The following C1orf21 variants were observed in gnomAD, a reference collection of about 807,000 sequenced individuals.
C1orf21 encodes chromosome 1 open reading frame 21.
In C1orf21, 3 loss-of-function variants were observed where a neutral mutation model predicts 18.7. That is an observed-to-expected ratio of 0.16 (90% CI 0.07 to 0.42). The LOEUF (loss-of-function observed/expected upper bound fraction) is 0.42, where lower values mean the gene tolerates loss of function less well. Ranked by LOEUF, C1orf21 falls within the 10% of genes least tolerant of loss-of-function variation. The pLI is 0.99. For synonymous variants in C1orf21, 41 were observed against 46.4 expected, an observed-to-expected ratio of 0.88 and a Z score of 0.47; for missense variants, 104 against 143.6, an observed-to-expected ratio of 0.72 and a Z score of 1.41.
intron 5 of C1orf21, among the ~76,000 whole-genome samples, chr1:184,617,190 G>A (rs926664145): frequency 5.0e-4 from 76 of 152,218 alleles, no homozygotes; most frequent in Admixed American, 4.6e-3. Flanking sequence ...ATGGGATGGA[G>A]ACCGTGATTA....
intron 1 of C1orf21, among the ~76,000 whole-genome samples, chr1:184,455,470 T>G (rs1176795152): frequency 6.6e-6 from 1 of 152,176 alleles, no homozygotes; most frequent in Non-Finnish European, 1.5e-5. Flanking sequence ...GGTTACACTT[T>G]GAGAAACAAA....
intron 3 of C1orf21, among the ~76,000 whole-genome samples, chr1:184,574,091 G>A (rs1659151757): frequency 6.6e-6 from 1 of 152,096 alleles, no homozygotes; most frequent in Non-Finnish European, 1.5e-5. Flanking sequence ...TGTAATCCCA[G>A]CTACTCGGGA....
At position 184,598,404 on chromosome 1, in the gene C1orf21, G is replaced by A; in HGVS notation, c.270G>A (p.Met90Ile). Reference sequence around the variant, plus strand: ...TTAACTACCCTTTGTTTTTCAGCATGCACATCTCTGAAAGCCAACAAGAAT... The same window carrying A: ...TTAACTACCCTTTGTTTTTCAGCATACACATCTCTGAAAGCCAACAAGAAT... Reference protein sequence around the residue: ...PGLVHQPRANMHISESQQEFF... With the variant: ...PGLVHQPRANIHISESQQEFF... The change falls in exon 5 of 6, where the codon ATG becomes ATA. Residue 90 changes from methionine (M) to isoleucine (I), a missense_variant. Coordinates refer to ENST00000235307, the MANE Select transcript of C1orf21 (RefSeq NM_030806.4). The A allele has an allele frequency of 6.2e-7, 1 of 1,613,556 alleles. No individual in the cohort carries two copies. The highest frequency in any genetic ancestry group is 8.5e-7 in the Non-Finnish European group (1 of 1,179,874).
intron 3 of C1orf21, among the ~76,000 whole-genome samples, chr1:184,539,373 T>C (rs1421902369): frequency 2.0e-5 from 3 of 152,232 alleles, no homozygotes; most frequent in East Asian, 3.9e-4. Flanking sequence ...ATCTTTTTAC[T>C]ATGCTGAATT....
chr1:184,390,837 A>C (rs928182336), intron 1 of C1orf21, among the ~76,000 whole-genome samples: 4 of 152,188 alleles, frequency 2.6e-5, no homozygotes, highest in Non-Finnish European at 5.9e-5. Flanking sequence ...AGTAAATAAA[A>C]ATTATGCTTA....
intron 2 of C1orf21, among the ~76,000 whole-genome samples, chr1:184,480,423 A>G (rs1657636401): frequency 6.6e-6 from 1 of 152,216 alleles, no homozygotes. Context: ...TTGTCAGAGC[A>G]AGATTTGGTG....
intron 1 of C1orf21, among the ~76,000 whole-genome samples, chr1:184,443,060 G>A (rs1002005248): frequency 1.3e-5 from 2 of 152,194 alleles, no homozygotes; most frequent in Non-Finnish European, 2.9e-5. Flanking sequence ...AGTTTTGAAC[G>A]TGAAGAAAAG....
intron 1 of C1orf21, among the ~76,000 whole-genome samples, chr1:184,390,934 C>T (rs1013960523): frequency 6.6e-6 from 1 of 152,088 alleles, no homozygotes; most frequent in African/African-American, 2.4e-5. Context: ...AGGGATAGGG[C>T]TTGTGTACAA....
At chr1:184,420,483 A>AG (rs1656529472) in intron 1 of C1orf21, among the ~76,000 whole-genome samples, 1 of 152,224 alleles carries the variant, frequency 6.6e-6, no homozygotes. Context: ...TGGTGCTAAA[A>AG]GTTAGGCCTG....
At chr1:184,584,036 G>T (rs935962252) in intron 3 of C1orf21, among the ~76,000 whole-genome samples, 1 of 151,698 alleles carries the variant, frequency 6.6e-6, no homozygotes, top group African/African-American at 2.4e-5. Context: ...TGCTTTATCC[G>T]AGCTGCTGCT....
intron 3 of C1orf21, among the ~76,000 whole-genome samples, chr1:184,588,718 AC>A (rs1244422273): frequency 3.3e-5 from 5 of 152,378 alleles, no homozygotes; most frequent in African/African-American, 1.2e-4. Context: ...TGCCTGACTT[AC>A]AGTAAGTGCT....
At chr1:184,504,615 C>T (rs1350989826) in intron 2 of C1orf21, among the ~76,000 whole-genome samples, 1 of 152,178 alleles carries the variant, frequency 6.6e-6, no homozygotes, top group African/African-American at 2.4e-5. Flanking sequence ...AGATGGATAT[C>T]TTCCTTCCCG....
chr1:184,397,597 A>C (rs1656081280), intron 1 of C1orf21, among the ~76,000 whole-genome samples: 1 of 151,926 alleles, frequency 6.6e-6, no homozygotes, highest in East Asian at 1.9e-4. Context: ...AAAAGAAAAA[A>C]AAACAACTGT....
intron 3 of C1orf21, among the ~76,000 whole-genome samples, chr1:184,529,967 C>G (rs1040317910): frequency 2.0e-5 from 3 of 152,098 alleles, no homozygotes; most frequent in African/African-American, 7.2e-5. Context: ...AATCTTAACA[C>G]CTTTGCACTC....
Position 184,477,300 on chromosome 1 carries a change from A to G in C1orf21, c.-124-86A>G, listed in dbSNP as rs1657585047. On this transcript the variant is annotated intron_variant, in intron 1 of 5. Transcript: ENST00000235307. ...TGGGTCTGTGCATGACTTCTAGTAT[A>G]CTGCAGGGCACAGCACACCAACATA... 5 of 532,278 alleles carry G rather than the reference A, an allele frequency of 9.4e-6. No individual in the cohort carries two copies. In the South Asian group the frequency reaches 1.1e-4, roughly 12 times the overall value. 33.0% of individuals were successfully genotyped at this position (532,278 alleles called of 1,614,324 possible).
chr1:184,491,145 T>A (rs1442615732), intron 2 of C1orf21, among the ~76,000 whole-genome samples: 2 of 152,178 alleles, frequency 1.3e-5, no homozygotes, highest in African/African-American at 4.8e-5. Context: ...AAGTGCTGTA[T>A]AAATAATCAG....
chr1:184,524,853 T>A (rs1361878156), intron 3 of C1orf21, among the ~76,000 whole-genome samples: 1 of 152,128 alleles, frequency 6.6e-6, no homozygotes, highest in Non-Finnish European at 1.5e-5. Context: ...TGTAGTCTAG[T>A]AAATGATGAG....
At chr1:184,425,343 G>A (rs539189097) in intron 1 of C1orf21, among the ~76,000 whole-genome samples, 44 of 151,436 alleles carry the variant, frequency 2.9e-4, no homozygotes, top group African/African-American at 9.5e-4. Context: ...TCTTGGCCCT[G>A]CAGCCTCCAC....
intron 1 of C1orf21, among the ~76,000 whole-genome samples, chr1:184,460,362 A>G (rs370956140): frequency 1.2e-4 from 19 of 152,312 alleles, no homozygotes; most frequent in African/African-American, 4.6e-4. Flanking sequence ...GCTTCAGTAG[A>G]CATTCAATAG....
Sources: gnomAD v4.1 joint callset for allele counts (sites outside exome capture counted in the v4.1 genomes callset) on GRCh38, gnomAD v4.1.1 for gene constraint, MANE v1.5 for transcripts, NCBI Gene and HGNC (gene_info 2026-07-23, HGNC 2026-07-21) for gene names.